Variants in CABIN1 observed in about 807,000 individuals in gnomAD.
CABIN1 encodes calcineurin-binding protein cabin-1.
Under a neutral mutation model 227.7 loss-of-function variants are expected in CABIN1, and 133 were observed. The observed-to-expected ratio is 0.58, with a 90% CI of 0.51 to 0.67. CABIN1 has a LOEUF of 0.67. CABIN1 is among the 30% of genes least tolerant of loss of function. The pLI, the probability that CABIN1 is intolerant of heterozygous loss-of-function variation, is 0.00. For missense variants in CABIN1, 2,408 were observed against 2,852.5 expected (o/e 0.84, Z 3.55); for synonymous variants, 1,086 against 1,155.1 (o/e 0.94, Z 1.21).
chr22:24,028,196 G>A (rs2036237054), intron 1 of CABIN1, among the ~76,000 whole-genome samples: 1 of 152,192 alleles, frequency 6.6e-6, no homozygotes, highest in Non-Finnish European at 1.5e-5. Context: ...GAAACCCAAA[G>A]TAAGCACATG....
At chr22:24,051,214 C>G (rs756411881) in intron 8 of CABIN1, among the ~76,000 whole-genome samples, 1 of 152,150 alleles carries the variant, frequency 6.6e-6, no homozygotes, top group East Asian at 1.9e-4. Context: ...TGTTCTTGAC[C>G]CCAGCCACCT....
chr22:24,053,293 G>A lies in CABIN1; in HGVS notation c.807-1580G>A, dbSNP rs552472733. 1.3e-4 allele frequency among the ~76,000 whole-genome samples: 20 copies of A among 151,824 alleles called. 1 individual carries two copies. The East Asian group carries it at 3.9e-3, about 30-fold the overall frequency. ...GGGTTTCACCGTGTTAGCCAGGATG[G>A]TCTCGATCTCCTGACCTTGTGATCT... is the stretch of plus-strand genomic sequence containing the variant. On this transcript the variant is annotated intron_variant, in intron 8 of 36. Transcript: ENST00000263119.
Position 24,064,071 on chromosome 22 carries a change from T to C in CABIN1, c.1921T>C (p.Cys641Arg). The change falls in exon 15 of 37, where the codon TGC becomes CGC. Residue 641 changes from cysteine to arginine, a missense_variant. Physicochemically the swap from Cys to Arg is radical, Grantham distance 180 (BLOSUM62 -3). Transcript: ENST00000263119. ...MEQALENYDICTEMLQSSTAI... is the reference protein window; with the variant it reads ...MEQALENYDIRTEMLQSSTAI... ...GCAGGCCCTGGAGAACTATGACATCTGCACAGAAATGCTCCAGAGTTCCAC... is the reference window on the plus strand; with the variant it reads ...GCAGGCCCTGGAGAACTATGACATCCGCACAGAAATGCTCCAGAGTTCCAC... 2 of 1,614,180 alleles carry C rather than the reference T, an allele frequency of 1.2e-6. No homozygotes were observed.
intron 33 of CABIN1, chr22:24,170,243 T>A (rs1183446858): frequency 1.2e-5 from 5 of 432,030 alleles, no homozygotes; most frequent in Non-Finnish European, 2.4e-5. Flanking sequence ...GCTGCCATCC[T>A]CTGGTTCTCT....
chr22:24,168,644 G>A (rs2046601571), intron 33 of CABIN1, 123 bp downstream of exon 33: 2 of 851,880 alleles, frequency 2.3e-6, no homozygotes, highest in African/African-American at 1.7e-5. Context: ...CTTGGGCTGA[G>A]GGGAGATGAG....
In CABIN1 at chr22:24,119,795, C is replaced by T. The variant is rs527888717; in HGVS notation, c.4632+97C>T. The T allele has an allele frequency of 4.8e-4, 562 of 1,176,854 alleles. 6 individuals carry two copies. The South Asian group carries it at 6.4e-3, about 13-fold the overall frequency. The allele number at this position is 1,176,854 out of a possible 1,614,324, so 72.9% of individuals were successfully genotyped here. A position where few individuals can be genotyped will look rare whatever the true frequency, so the allele number is the denominator to read the frequency against. The stretch of plus-strand genomic sequence containing the variant: ...AGAGCTAAGACAGATTGGAGCTTCA[C>T]GGTAGCAGCACATGGGAGGGATGGG... On this transcript the variant is annotated intron_variant, in intron 28 of 36. Coordinates refer to ENST00000263119, the MANE Select transcript of CABIN1 (RefSeq NM_012295.4).
At chr22:24,123,474 T>C (rs1325049909) in intron 28 of CABIN1, among the ~76,000 whole-genome samples, 2 of 152,204 alleles carry the variant, frequency 1.3e-5, no homozygotes, top group African/African-American at 4.8e-5. Context: ...GTGGTTCCCA[T>C]TGGCTTCTGT....
At chr22:24,118,261 G>A (rs2043197465) in intron 27 of CABIN1, among the ~76,000 whole-genome samples, 1 of 152,136 alleles carries the variant, frequency 6.6e-6, no homozygotes. Context: ...GAGCAGGGAG[G>A]GAAGGTCAGA....
At position 24,054,933 on chromosome 22, in the gene CABIN1, C is replaced by T. The variant is rs768595358; in HGVS notation, c.867C>T (p.Pro289=). 2.5e-6 allele frequency: 4 copies of T among 1,614,098 alleles called. No homozygotes were observed. The Admixed American group carries it at 5.0e-5, about 20-fold the overall frequency. Residue 289 remains proline (P), a synonymous_variant, in exon 9 of 37, where the codon CCC becomes CCT. Transcript: ENST00000263119. ...ACAATCATCTCACCACCTGTGAGCC[C>T]CCACGTCCCAGCCTTGGCAAAAGGA... ...AMYNHLTTCE[P]PRPSLGKRID... is the part of the protein sequence containing the mutation.
intron 33 of CABIN1, among the ~76,000 whole-genome samples, chr22:24,171,308 C>G (rs1347886998): frequency 6.6e-6 from 1 of 152,196 alleles, no homozygotes; most frequent in Non-Finnish European, 1.5e-5. Context: ...TGGGAAGTCA[C>G]CCTCCAAGAC....
At chr22:24,073,108 C>T (rs547660698) in intron 18 of CABIN1, among the ~76,000 whole-genome samples, 1 of 152,284 alleles carries the variant, frequency 6.6e-6, no homozygotes, top group East Asian at 1.9e-4. Flanking sequence ...GGAGGGCGAG[C>T]CCCAGACCCT....
At chr22:24,056,385 C>A in intron 10 of CABIN1, 25 bp downstream of exon 10, 1 of 1,611,974 alleles carries the variant, frequency 6.2e-7, no homozygotes, top group South Asian at 1.1e-5. Flanking sequence ...TTCTGATTGT[C>A]AGAAACAAAC....
Position 24,043,944 on chromosome 22 carries a change from A to G in CABIN1, c.526+860A>G, listed in dbSNP as rs980812962. Among the ~76,000 whole-genome samples, 4 of 152,214 alleles carry G rather than the reference A, an allele frequency of 2.6e-5. No individual in the cohort carries two copies. The South Asian group carries it at 6.2e-4, about 24-fold the overall frequency. ...CCATTCCAACAGGGAGAAATAGGAA[A>G]GCAGGAAAGTGTGATGGGTCCCAAA... On this transcript the variant is annotated intron_variant, in intron 6 of 36. Transcript: ENST00000263119.
At chr22:24,171,265 T>G (rs1306715420) in intron 33 of CABIN1, among the ~76,000 whole-genome samples, 1 of 152,140 alleles carries the variant, frequency 6.6e-6, no homozygotes, top group Non-Finnish European at 1.5e-5. Flanking sequence ...AGCATCCCAC[T>G]AGCTCCCTCA....
intron 33 of CABIN1, among the ~76,000 whole-genome samples, chr22:24,170,732 G>C (rs1471179691): frequency 6.7e-6 from 1 of 149,724 alleles, no homozygotes; most frequent in East Asian, 2.0e-4. Context: ...AAGAGACAGG[G>C]TCATCGGTGG....
At chr22:24,084,908 C>A in intron 21 of CABIN1, 98 bp from the exon 22 acceptor site, 2 of 1,571,418 alleles carry the variant, frequency 1.3e-6, no homozygotes, top group Non-Finnish European at 1.8e-6. Context: ...GCAGGAGAGG[C>A]TGGAGAGTCT....
chr22:24,076,227 G>A lies in CABIN1; in HGVS notation c.2691G>A (p.Glu897=), dbSNP rs759580508. The A allele has an allele frequency of 1.9e-6, 3 of 1,614,154 alleles. No individual in the cohort carries two copies. The highest frequency in any genetic ancestry group is 2.2e-5 in the South Asian group (2 of 91,084). Residue 897 remains glutamate (E), a synonymous_variant, in exon 19 of 37, where the codon GAG becomes GAA. Coordinates refer to ENST00000263119, the MANE Select transcript of CABIN1 (RefSeq NM_012295.4). ...SSLMLLNTAH[E]YLGRRSWCCN... Reference sequence around the variant, plus strand: ...TCATGCTGCTGAACACAGCCCACGAGTATTTGGGCAGAAGGTCCTGGTGCT... The same window carrying A: ...TCATGCTGCTGAACACAGCCCACGAATATTTGGGCAGAAGGTCCTGGTGCT...
At chr22:24,035,577 C>T (rs1266460920) in intron 2 of CABIN1, 57 bp downstream of exon 2, 2 of 1,607,414 alleles carry the variant, frequency 1.2e-6, no homozygotes, top group East Asian at 4.5e-5. Flanking sequence ...TTACGTTACT[C>T]CTGGGGGCGA....
chr22:24,154,423 T>C (rs954310937), intron 29 of CABIN1, among the ~76,000 whole-genome samples: 2 of 152,160 alleles, frequency 1.3e-5, no homozygotes, highest in African/African-American at 2.4e-5. Context: ...CCTGTCCCTA[T>C]GTGTGTCTGT....
Sources: gnomAD v4.1 joint callset for allele counts (sites outside exome capture counted in the v4.1 genomes callset) on GRCh38, gnomAD v4.1.1 for gene constraint, MANE v1.5 for transcripts, NCBI Gene and HGNC (gene_info 2026-07-23, HGNC 2026-07-21) for gene names.